Variants in UBAP2 observed in about 807,000 individuals in gnomAD.
UBAP2 encodes the protein ubiquitin associated protein 2, also known as ubiquitin-associated protein 2.
A neutral mutation model predicts 139.6 loss-of-function variants in UBAP2; 75 were observed. That is an observed-to-expected ratio of 0.54 (90% CI 0.45 to 0.65). UBAP2 has a LOEUF of 0.65. UBAP2 is among the 30% of genes least tolerant of loss of function. The pLI, the probability that UBAP2 is intolerant of heterozygous loss-of-function variation, is 0.00. For missense variants in UBAP2, 1,368 were observed against 1,369.6 expected (o/e 1.00, Z 0.02); for synonymous variants, 526 against 526.2 (o/e 1.00, Z 0.01).
At chr9:34,038,276 C>CT (rs770829113) in intron 1 of UBAP2, among the ~76,000 whole-genome samples, 1 of 152,072 alleles carries the variant, frequency 6.6e-6, no homozygotes, top group Non-Finnish European at 1.5e-5. Flanking sequence ...CAGTGAAACT[C>CT]TGTCTCTATT....
intron 11 of UBAP2, among the ~76,000 whole-genome samples, chr9:33,954,554 C>T (rs1826392023): frequency 6.6e-6 from 1 of 152,116 alleles, no homozygotes; most frequent in African/African-American, 2.4e-5. Context: ...CAGTTCCCAT[C>T]AGTTCTCCTA....
chr9:34,000,118 TA>T (rs1202433551), intron 2 of UBAP2, among the ~76,000 whole-genome samples: 4 of 151,818 alleles, frequency 2.6e-5, no homozygotes, highest in African/African-American at 9.7e-5. Flanking sequence ...CAGCCGTATT[TA>T]TTTAATTTTT....
At position 33,923,028 on chromosome 9, in the gene UBAP2, A is replaced by C; in HGVS notation, c.3010T>G (p.Ser1004Ala). 6.2e-7 allele frequency: 1 copy of C among 1,614,090 alleles called. No homozygotes were observed. Among genetic ancestry groups the C allele is most frequent in the Non-Finnish European group, 8.5e-7 (1 of 1,179,994 alleles). ...AGACCAGTGGTGCTTGAAGACACTG[A>C]TACTCCTAGGAGGAAAAGCAGTTGT... ...SAGSGPGKGV[S>A]VSSSTTGLPD... Residue 1004 changes from serine to alanine, a missense_variant, in exon 27 of 29, where the codon TCA (serine) becomes GCA (alanine). By Grantham distance (99) the Ser-to-Ala change is moderately conservative (BLOSUM62 1). Transcript: ENST00000379238.
In UBAP2 at chr9:33,998,800, G is replaced by C; in HGVS notation, c.164C>G (p.Ala55Gly). 6.2e-7 allele frequency: 1 copy of C among 1,612,124 alleles called. No homozygotes were observed. The part of the protein sequence containing the change: ...IFDKNDSDFE[A>G]KVKQLMEVTG... ...CCAGAAACATACCTGCTTAACTTTA[G>C]CTTCAAAATCTGAATCATTCTTATC... The change falls in exon 3 of 29, where the codon GCT (alanine) becomes GGT (glycine). Residue 55 changes from alanine to glycine, a missense_variant. Ala to Gly is a moderately conservative substitution (Grantham distance 60). Coordinates refer to ENST00000379238, the MANE Select transcript of UBAP2 (RefSeq NM_001370062.2).
intron 13 of UBAP2, 119 bp downstream of exon 13, chr9:33,948,255 G>T (rs1262647243): frequency 1.2e-6 from 1 of 830,344 alleles, no homozygotes; most frequent in Non-Finnish European, 1.8e-6. Context: ...AACTGCAAGA[G>T]TTCTACTAAA....
intron 1 of UBAP2, among the ~76,000 whole-genome samples, chr9:34,023,360 T>C (rs1424910824): frequency 1.3e-5 from 2 of 152,218 alleles, no homozygotes; most frequent in African/African-American, 2.4e-5. Context: ...CATTAATTTT[T>C]TGATTTACAG....
intron 16 of UBAP2, among the ~76,000 whole-genome samples, chr9:33,936,493 C>T (rs532564443): frequency 6.6e-6 from 1 of 151,978 alleles, no homozygotes; most frequent in South Asian, 2.1e-4. Context: ...GGGGTTTCAC[C>T]ATGTTGGCCA....
chr9:33,995,548 T>TAA (rs59178378), intron 4 of UBAP2: 1 of 118,204 alleles, frequency 8.5e-6, no homozygotes, highest in Non-Finnish European at 1.7e-5. Context: ...ATTAAATATA[T>TAA]TATTAAATAA....
chr9:34,015,981 T>C (rs912784600), intron 2 of UBAP2, among the ~76,000 whole-genome samples: 1 of 152,226 alleles, frequency 6.6e-6, no homozygotes, highest in Non-Finnish European at 1.5e-5. Flanking sequence ...GGCAGCTTTT[T>C]AAAGTCTATT....
intron 2 of UBAP2, among the ~76,000 whole-genome samples, chr9:34,016,057 T>C (rs1301938888): frequency 6.6e-6 from 1 of 151,970 alleles, no homozygotes; most frequent in South Asian, 2.1e-4. Context: ...TCATATTTCA[T>C]TCCAAGGACA....
intron 2 of UBAP2, among the ~76,000 whole-genome samples, chr9:34,010,241 T>C (rs1418530235): frequency 1.2e-4 from 18 of 148,922 alleles, no homozygotes; most frequent in Admixed American, 9.3e-4. Context: ...CTGGCCAACA[T>C]GGTGAAACCC....
rs372451986 is a variant in UBAP2 at position 34,037,846 on chromosome 9, G to A, written c.-42+10979C>T. 7.9e-5 allele frequency among the ~76,000 whole-genome samples: 12 copies of A among 151,952 alleles called. No individual in the cohort carries two copies. In the South Asian group the frequency reaches 1.2e-3, roughly 16 times the overall value. On this transcript the variant is annotated intron_variant, in intron 1 of 28. Coordinates refer to ENST00000379238, the MANE Select transcript of UBAP2 (RefSeq NM_001370062.2). ...GACAATATGTAAATACAGAAACCCC[G>A]ACTGGATGGGAAAGAGGCTATAAAA...
At chr9:34,007,823 A>G (rs1823371117) in intron 2 of UBAP2, among the ~76,000 whole-genome samples, 1 of 151,640 alleles carries the variant, frequency 6.6e-6, no homozygotes, top group African/African-American at 2.4e-5. Flanking sequence ...TTCCATTTAT[A>G]ATAGAGTCGG....
intron 12 of UBAP2, among the ~76,000 whole-genome samples, chr9:33,951,329 A>G (rs1011457808): frequency 6.4e-4 from 73 of 114,494 alleles, no homozygotes; most frequent in African/African-American, 1.0e-3. Flanking sequence ...GGCCTCCCCA[A>G]TGATTTTTTT....
intron 6 of UBAP2, among the ~76,000 whole-genome samples, chr9:33,980,024 G>A (rs935419204): frequency 2.0e-5 from 3 of 151,682 alleles, no homozygotes; most frequent in South Asian, 4.2e-4. Context: ...AGTGAGCCGA[G>A]ATCACGCCAC....
chr9:33,965,481 C>T (rs1413123052), intron 8 of UBAP2, among the ~76,000 whole-genome samples: 1 of 152,132 alleles, frequency 6.6e-6, no homozygotes, highest in Non-Finnish European at 1.5e-5. Context: ...TCTTTTATGA[C>T]TCAGGCTTAT....
intron 20 of UBAP2, among the ~76,000 whole-genome samples, 183 bp downstream of exon 20, chr9:33,927,614 A>G (rs1823562532): frequency 6.6e-6 from 1 of 152,206 alleles, no homozygotes; most frequent in Admixed American, 6.5e-5. Context: ...AGAGGCCAGG[A>G]ATCCTGCAAG....
At chr9:33,968,421 A>G (rs1490096548) in intron 8 of UBAP2, 1 of 563,894 alleles carries the variant, frequency 1.8e-6, no homozygotes, top group African/African-American at 1.9e-5. Context: ...ACCAGGGCAT[A>G]CATAGTCATG....
chr9:33,922,239 T>C lies in UBAP2; in HGVS notation c.*265A>G. 2 of 453,622 alleles carry C rather than the reference T, an allele frequency of 4.4e-6. No individual in the cohort carries two copies. Among genetic ancestry groups the C allele is most frequent in the Non-Finnish European group, 8.1e-6 (2 of 247,270 alleles). The allele number at this position is 453,622 out of a possible 1,614,324, so 28.1% of individuals were successfully genotyped here. A position where few individuals can be genotyped will look rare whatever the true frequency, so the allele number is the denominator to read the frequency against. On this transcript the variant is annotated 3_prime_UTR_variant, in exon 29 of 29. Transcript: ENST00000379238. ...GGTGGGGGTGCTTATTTTGCTACAG[T>C]GGAGAAGGGGCTTGAATGGGGAGGG... is the stretch of plus-strand genomic sequence containing the variant.
Sources: allele counts gnomAD v4.1 joint callset (sites outside exome capture counted in the v4.1 genomes callset), GRCh38; gene constraint gnomAD v4.1.1; transcripts MANE v1.5; gene names NCBI Gene and HGNC (gene_info 2026-07-23, HGNC 2026-07-21).